Variants in CSGALNACT1 observed in about 807,000 individuals in gnomAD.
CSGALNACT1 encodes the protein beta4GalNAcT-1.
In CSGALNACT1, 52 loss-of-function variants were observed where a neutral mutation model predicts 51.0. The ratio of observed to expected loss-of-function variants is 1.02; its 90% CI spans 0.82 to 1.29. The LOEUF (loss-of-function observed/expected upper bound fraction) is 1.29, where lower values mean the gene tolerates loss of function less well. Ranked by LOEUF, CSGALNACT1 falls within the 50% of genes most tolerant of loss-of-function variation. The probability of loss-of-function intolerance (pLI) is 0.00; values close to 1 mark genes in which losing one functional copy is unlikely to be tolerated. For synonymous variants in CSGALNACT1, 341 were observed against 254.4 expected, an observed-to-expected ratio of 1.34 and a Z score of -3.24; for missense variants, 935 against 679.2, an observed-to-expected ratio of 1.38 and a Z score of -4.19.
chr8:19,427,079 A>G (rs1014255345), intron 6 of CSGALNACT1, among the ~76,000 whole-genome samples: 4 of 152,156 alleles, frequency 2.6e-5, no homozygotes, highest in African/African-American at 9.7e-5. Context: ...TTATCATCCA[A>G]TTTTTCATAG....
At chr8:19,674,533 G>A (rs1159648003) in intron 1 of CSGALNACT1, among the ~76,000 whole-genome samples, 1 of 152,162 alleles carries the variant, frequency 6.6e-6, no homozygotes, top group Non-Finnish European at 1.5e-5. Flanking sequence ...GGAGGGAGAA[G>A]AACAGTGGGA....
intron 5 of CSGALNACT1, among the ~76,000 whole-genome samples, chr8:19,442,462 T>TAG (rs1300897197): frequency 6.6e-6 from 1 of 150,544 alleles, no homozygotes; most frequent in East Asian, 2.0e-4. Context: ...CAGCAAACTA[T>TAG]CATAAGGACA....
intron 5 of CSGALNACT1, among the ~76,000 whole-genome samples, chr8:19,446,940 A>G (rs1047061559): frequency 6.6e-6 from 1 of 152,204 alleles, no homozygotes; most frequent in Non-Finnish European, 1.5e-5. Flanking sequence ...GTAACAAGAG[A>G]GTATGGAGAG....
At chr8:19,585,853 G>A (rs1422310614) in intron 3 of CSGALNACT1, among the ~76,000 whole-genome samples, 2 of 152,098 alleles carry the variant, frequency 1.3e-5, no homozygotes, top group African/African-American at 2.4e-5. Context: ...AGGAGCTCAG[G>A]AAACCCCTTC....
intron 3 of CSGALNACT1, among the ~76,000 whole-genome samples, chr8:19,572,751 A>G (rs949730874): frequency 2.6e-5 from 4 of 152,220 alleles, no homozygotes; most frequent in African/African-American, 7.2e-5. Flanking sequence ...GCACTATTAA[A>G]TGTTTACACA....
At chr8:19,589,073 G>T (rs979973396) in intron 3 of CSGALNACT1, among the ~76,000 whole-genome samples, 2 of 152,124 alleles carry the variant, frequency 1.3e-5, no homozygotes, top group Non-Finnish European at 2.9e-5. Flanking sequence ...AAGATCGGCT[G>T]ACTATGTTTG....
intron 1 of CSGALNACT1, among the ~76,000 whole-genome samples, chr8:19,752,196 C>T (rs7815645): frequency 9.5e-5 from 14 of 147,584 alleles, no homozygotes; most frequent in South Asian, 4.2e-4. Flanking sequence ...ATAATATATA[C>T]TATATATCTT....
At chr8:19,707,507 T>A (rs566230755) in intron 1 of CSGALNACT1, among the ~76,000 whole-genome samples, 10 of 152,308 alleles carry the variant, frequency 6.6e-5, no homozygotes, top group African/African-American at 2.4e-4. Flanking sequence ...CTACAATTTA[T>A]CATTTGAACC....
At chr8:19,719,012 C>G (rs2062967750) in intron 1 of CSGALNACT1, among the ~76,000 whole-genome samples, 1 of 152,140 alleles carries the variant, frequency 6.6e-6, no homozygotes, top group South Asian at 2.1e-4. Flanking sequence ...CTTGTAGACA[C>G]TGCGAACTGT....
intron 2 of CSGALNACT1, among the ~76,000 whole-genome samples, chr8:19,595,261 G>A (rs754679947): frequency 7.9e-5 from 12 of 152,230 alleles, no homozygotes; most frequent in Admixed American, 2.0e-4. Context: ...CCTTTAGAGC[G>A]AGTATTAGCT....
chr8:19,429,571 T>A (rs1257200028), intron 6 of CSGALNACT1, among the ~76,000 whole-genome samples: 4 of 152,280 alleles, frequency 2.6e-5, no homozygotes, highest in African/African-American at 7.2e-5. Context: ...ATTCTCTTTA[T>A]GTCTGAATAA....
At chr8:19,603,804 C>T (rs1002343666), upstream of CSGALNACT1, among the ~76,000 whole-genome samples, 4 of 152,194 alleles carry the variant, frequency 2.6e-5, no homozygotes, top group African/African-American at 9.7e-5. Flanking sequence ...GGGAAATCTA[C>T]ATAATCCAAA....
At chr8:19,622,483 A>G (rs1385204759) in intron 1 of CSGALNACT1, among the ~76,000 whole-genome samples, 1 of 152,226 alleles carries the variant, frequency 6.6e-6, no homozygotes, top group Admixed American at 6.5e-5. Context: ...ATTAAATTAT[A>G]TTTCAAAACA....
chr8:19,496,842 C>G (rs960787639), intron 4 of CSGALNACT1, among the ~76,000 whole-genome samples: 2 of 152,132 alleles, frequency 1.3e-5, no homozygotes, highest in African/African-American at 4.8e-5. Context: ...AGCTTCCTTT[C>G]GCAAGCTCTT....
intron 1 of CSGALNACT1, among the ~76,000 whole-genome samples, chr8:19,614,992 A>C (rs2052797061): frequency 6.6e-6 from 1 of 152,186 alleles, no homozygotes; most frequent in African/African-American, 2.4e-5. Flanking sequence ...AAAAGGTAAA[A>C]CTGGTGAAGA....
intron 1 of CSGALNACT1, among the ~76,000 whole-genome samples, chr8:19,739,250 A>T (rs1291238682): frequency 1.3e-5 from 2 of 151,936 alleles, no homozygotes; most frequent in African/African-American, 4.8e-5. Flanking sequence ...CACAAAAAAT[A>T]ATTGTGATTC....
At position 19,420,475 on chromosome 8, in the gene CSGALNACT1, C is replaced by T. The variant is rs750670992; in HGVS notation, c.997G>A (p.Glu333Lys). The T allele has an allele frequency of 3.1e-6, 5 of 1,614,216 alleles. No homozygotes were observed. In the South Asian group the frequency reaches 3.3e-5, roughly 11 times the overall value. ...TCAAGTCCCTTTCCCCGAGAAAATTCTCCATTCAGCTGGATGAAGGTAAAG... is the reference window on the plus strand; with the variant it reads ...TCAAGTCCCTTTCCCCGAGAAAATTTTCCATTCAGCTGGATGAAGGTAAAG... Residue 333 changes from glutamate (E) to lysine (K), a missense_variant, in exon 7 of 10, where the codon GAA (glutamate) becomes AAA (lysine). Transcript: ENST00000454498.
chr8:19,509,954 G>T (rs189481231), intron 3 of CSGALNACT1, among the ~76,000 whole-genome samples: 60 of 152,232 alleles, frequency 3.9e-4, no homozygotes, highest in Non-Finnish European at 7.6e-4. Flanking sequence ...AATCTCTTGG[G>T]GGTGGCTGTG....
intron 1 of CSGALNACT1, among the ~76,000 whole-genome samples, chr8:19,664,767 T>C (rs1216126580): frequency 6.6e-6 from 1 of 152,200 alleles, no homozygotes; most frequent in Non-Finnish European, 1.5e-5. Context: ...GAGGTAATTA[T>C]CTCAAGTGAA....
Sources: gnomAD v4.1 joint callset for allele counts (sites outside exome capture counted in the v4.1 genomes callset) on GRCh38, gnomAD v4.1.1 for gene constraint, MANE v1.5 for transcripts, NCBI Gene and HGNC (gene_info 2026-07-23, HGNC 2026-07-21) for gene names.